Variants in LTBP1 observed in about 807,000 individuals in gnomAD.
LTBP1 encodes latent transforming growth factor beta binding protein 1, also known as latent-transforming growth factor beta-binding protein 1.
A neutral mutation model predicts 207.6 loss-of-function variants in LTBP1; 129 were observed. The ratio of observed to expected loss-of-function variants is 0.62; its 90% CI spans 0.54 to 0.72. The LOEUF is 0.72. LTBP1 is among the 30% of genes least tolerant of loss of function. The pLI is 0.00. For missense variants in LTBP1, 2,281 were observed against 2,217.2 expected (o/e 1.03, Z -0.58); for synonymous variants, 963 against 833.7 (o/e 1.16, Z -2.67).
At chr2:33,240,105 C>T (rs886490208) in intron 9 of LTBP1, among the ~76,000 whole-genome samples, 1 of 152,148 alleles carries the variant, frequency 6.6e-6, no homozygotes, top group South Asian at 2.1e-4. Flanking sequence ...TCACCCGTCA[C>T]GTTCCATACA....
chr2:33,354,566 T>C (rs2094829240), intron 26 of LTBP1, among the ~76,000 whole-genome samples: 1 of 152,106 alleles, frequency 6.6e-6, no homozygotes. Flanking sequence ...GCCAAACTGC[T>C]TTTTTAAGAT....
Position 33,267,797 on chromosome 2 carries a change from A to G in LTBP1, c.2617+4405A>G, listed in dbSNP as rs548322974. On this transcript the variant is annotated intron_variant, in intron 15 of 33. Transcript: ENST00000404816. ...AGGTAAATGCAGTTTCAACATTTAA[A>G]TGTAGCTGTGTGAAGGGTAACAAAT... Among the ~76,000 whole-genome samples, 5 of 152,364 alleles carry G rather than the reference A, an allele frequency of 3.3e-5. No individual in the cohort carries two copies. The East Asian group carries it at 7.7e-4, about 23-fold the overall frequency.
intron 24 of LTBP1, among the ~76,000 whole-genome samples, chr2:33,326,762 G>A (rs965316083): frequency 3.3e-5 from 5 of 151,996 alleles, no homozygotes; most frequent in East Asian, 1.9e-4. Flanking sequence ...GGGTTCAAGC[G>A]ATTCTCCTGC....
At chr2:32,993,943 C>A (rs1196202073) in intron 2 of LTBP1, among the ~76,000 whole-genome samples, 1 of 146,580 alleles carries the variant, frequency 6.8e-6, no homozygotes, top group African/African-American at 2.5e-5. Flanking sequence ...AAGTGGATGG[C>A]CCAAAGAGGG....
intron 7 of LTBP1, among the ~76,000 whole-genome samples, chr2:33,209,264 C>T (rs182879697): frequency 2.6e-5 from 4 of 152,200 alleles, no homozygotes; most frequent in African/African-American, 7.2e-5. Context: ...CCTGAAAGGA[C>T]AGCTATATTC....
At chr2:33,092,265 C>T (rs2079143405) in intron 3 of LTBP1, among the ~76,000 whole-genome samples, 1 of 152,196 alleles carries the variant, frequency 6.6e-6, no homozygotes, top group Non-Finnish European at 1.5e-5. Flanking sequence ...ACTCAGATCC[C>T]GTCCCTTTAC....
At chr2:33,172,075 G>A (rs960585040) in intron 5 of LTBP1, among the ~76,000 whole-genome samples, 46 of 152,208 alleles carry the variant, frequency 3.0e-4, no homozygotes, top group East Asian at 1.2e-3. Context: ...AAAGACCATC[G>A]AGGCTAGGAA....
At position 33,309,793 on chromosome 2, in the gene LTBP1, C is replaced by T. The variant is rs558909275; in HGVS notation, c.3604+237C>T. Among the ~76,000 whole-genome samples, 7 of 152,292 alleles carry T rather than the reference C, an allele frequency of 4.6e-5. No individual in the cohort carries two copies. The South Asian group carries it at 8.3e-4, about 18-fold the overall frequency. ...GAGCTGTGTCCTCACTGCGTGCTTCCGTCACCTGTACTTTACTGTTTATTC... is the reference window on the plus strand; with the variant it reads ...GAGCTGTGTCCTCACTGCGTGCTTCTGTCACCTGTACTTTACTGTTTATTC... On this transcript the variant is annotated intron_variant, in intron 23 of 33. Transcript: ENST00000404816.
chr2:33,016,499 CT>C (rs1422966765), intron 2 of LTBP1, among the ~76,000 whole-genome samples: 1 of 152,116 alleles, frequency 6.6e-6, no homozygotes, highest in Non-Finnish European at 1.5e-5. Context: ...CCCTCCCCCG[CT>C]AGAGATTCTG....
chr2:33,037,982 G>T (rs991252135), intron 3 of LTBP1, among the ~76,000 whole-genome samples: 7 of 152,210 alleles, frequency 4.6e-5, no homozygotes, highest in Admixed American at 4.6e-4. Context: ...GCCTCCCAAG[G>T]TGCTGGGCTT....
rs2086785166 is a variant in LTBP1 at position 33,182,719 on chromosome 2, CACACACACACACACACAGACATAT to C, written c.1202-4135_1202-4112del. On this transcript the variant is annotated intron_variant, in intron 5 of 33. Coordinates refer to ENST00000404816, the MANE Select transcript of LTBP1 (RefSeq NM_206943.4). ...ATATATACACACACACACACACACA[CACACACACACACACACAGACATAT>C]ATATGTATGTATGTGTACACATACA... Among the ~76,000 whole-genome samples, 4 of 76,424 alleles carry C rather than the reference CACACACACACACACACAGACATAT, an allele frequency of 5.2e-5. 1 individual carries two copies. The highest frequency in any genetic ancestry group is 2.0e-4 in the African/African-American group (4 of 19,928). The allele number at this position is 76,424 out of a possible 152,430, so 50.1% of individuals were successfully genotyped here.
At chr2:33,379,344 G>C (rs1284656105) in intron 31 of LTBP1, among the ~76,000 whole-genome samples, 1 of 151,834 alleles carries the variant, frequency 6.6e-6, no homozygotes, top group Non-Finnish European at 1.5e-5. Flanking sequence ...TGAGGAGCTG[G>C]GACTACAGGT....
rs945461154 is a variant in LTBP1, at chr2:33,021,066, G to A, written c.723G>A (p.Ser241=). ...GGCAGAGTCCTGGGGCTGCTTCCTC[G>A]TGGGGCCCTCCTGAGCAAGCAGCAA... is the stretch of plus-strand genomic sequence containing the variant. The part of the protein sequence containing the change: ...FGGQSPGAAS[S]WGPPEQAAKH... The change falls in exon 3 of 34, where the codon TCG becomes TCA. Residue 241 remains serine (S), a synonymous_variant. Transcript: ENST00000404816. 1.1e-5 allele frequency: 17 copies of A among 1,613,922 alleles called. No individual in the cohort carries two copies. Among genetic ancestry groups the A allele is most frequent in the African/African-American group, 2.7e-5 (2 of 74,862 alleles).
intron 3 of LTBP1, among the ~76,000 whole-genome samples, chr2:33,023,647 A>T (rs570097429): frequency 6.6e-6 from 1 of 152,214 alleles, no homozygotes; most frequent in Non-Finnish European, 1.5e-5. Context: ...TGATATTAAT[A>T]AACTATATAG....
rs70938393 is a variant in LTBP1 at position 33,254,852 on chromosome 2, G to GTTTTTTTT, written c.2167+2032_2167+2039dup. Among the ~76,000 whole-genome samples the GTTTTTTTT allele has an allele frequency of 4.8e-3, 50 of 10,360 alleles. 2 individuals are homozygous for GTTTTTTTT. The highest frequency in any genetic ancestry group is 6.0e-3 in the African/African-American group (11 of 1,842). 6.8% of individuals were successfully genotyped at this position (10,360 alleles called of 152,430 possible). Reference sequence around the variant, plus strand: ...TATGAGTGAGAACATGCGGTGTTTGGTTTTTTTTTTTTTTTTTTTTTTTTT... The same window carrying GTTTTTTTT: ...TATGAGTGAGAACATGCGGTGTTTGGTTTTTTTTTTTTTTTTTTTTTTTTTTTTTTTTT... On this transcript the variant is annotated intron_variant, in intron 11 of 33. Coordinates refer to ENST00000404816, the MANE Select transcript of LTBP1 (RefSeq NM_206943.4).
intron 2 of LTBP1, among the ~76,000 whole-genome samples, chr2:32,953,688 C>T (rs758292656): frequency 3.9e-5 from 6 of 152,172 alleles, no homozygotes; most frequent in African/African-American, 9.7e-5. Flanking sequence ...TCTGCTTTAT[C>T]GAAGTTTTTG....
intron 4 of LTBP1, among the ~76,000 whole-genome samples, chr2:33,125,754 C>T (rs534177449): frequency 1.3e-4 from 20 of 151,200 alleles, no homozygotes; most frequent in African/African-American, 4.6e-4. Context: ...CAGTTGAACC[C>T]GGGAGGTGGA....
intron 2 of LTBP1, among the ~76,000 whole-genome samples, chr2:32,969,083 G>C (rs979154594): frequency 6.6e-6 from 1 of 151,748 alleles, no homozygotes; most frequent in African/African-American, 2.4e-5. Context: ...CCGCCACCAT[G>C]CCTGGCTAAT....
intron 7 of LTBP1, 126 bp downstream of exon 7, chr2:33,188,977 C>T (rs1307619286): frequency 2.7e-6 from 3 of 1,118,706 alleles, no homozygotes; most frequent in Non-Finnish European, 2.5e-6. Context: ...GACTTGTGGC[C>T]ATATTTTTGT....
Sources: allele counts gnomAD v4.1 joint callset (sites outside exome capture counted in the v4.1 genomes callset), GRCh38; gene constraint gnomAD v4.1.1; transcripts MANE v1.5; gene names NCBI Gene and HGNC (gene_info 2026-07-23, HGNC 2026-07-21).